DENND1B: variants seen among roughly 807,000 people sequenced by gnomAD.
DENND1B encodes the protein DENN domain-containing protein 1B.
DENND1B carries 59 observed loss-of-function variants against 90.1 expected under a neutral mutation model. The ratio of observed to expected loss-of-function variants is 0.65; its 90% CI spans 0.53 to 0.81. The LOEUF (loss-of-function observed/expected upper bound fraction) is 0.81, where lower values mean the gene tolerates loss of function less well. Among genes scored for constraint, DENND1B ranks in the 40% least tolerant of loss-of-function variants. The pLI, the probability that DENND1B is intolerant of heterozygous loss-of-function variation, is 0.00. For missense variants in DENND1B, 862 were observed against 912.6 expected, an observed-to-expected ratio of 0.94 and a Z score of 0.71; for synonymous variants, 337 against 324.6, an observed-to-expected ratio of 1.04 and a Z score of -0.41.
At chr1:197,684,417 C>T (rs1006595558) in intron 3 of DENND1B, among the ~76,000 whole-genome samples, 9 of 152,062 alleles carry the variant, frequency 5.9e-5, no homozygotes, top group African/African-American at 1.4e-4. Context: ...AGATTGCAAT[C>T]GATAATCAGC....
At chr1:197,534,367 A>G (rs1669726366) in intron 20 of DENND1B, among the ~76,000 whole-genome samples, 1 of 152,206 alleles carries the variant, frequency 6.6e-6, no homozygotes, top group Admixed American at 6.5e-5. Context: ...AGAAAAGACT[A>G]AATGAAGAAA....
chr1:197,596,048 T>C (rs1214705508), intron 13 of DENND1B, among the ~76,000 whole-genome samples: 1 of 152,024 alleles, frequency 6.6e-6, no homozygotes, highest in East Asian at 1.9e-4. Context: ...CCTAGTTCTG[T>C]CCAGTTTTTT....
chr1:197,512,149 C>T (rs1041722532), intron 21 of DENND1B, among the ~76,000 whole-genome samples: 4 of 151,632 alleles, frequency 2.6e-5, no homozygotes, highest in Admixed American at 1.3e-4. Flanking sequence ...AAAAAGTTTA[C>T]GGTACCTTAT....
chr1:197,728,963 T>A (rs1661901199), intron 2 of DENND1B, among the ~76,000 whole-genome samples: 2 of 152,152 alleles, frequency 1.3e-5, no homozygotes, highest in African/African-American at 4.8e-5. Flanking sequence ...TTCTACTCAA[T>A]CCCAGTGTCT....
At chr1:197,644,254 G>C (rs977089912) in intron 9 of DENND1B, among the ~76,000 whole-genome samples, 1 of 152,138 alleles carries the variant, frequency 6.6e-6, no homozygotes, top group Admixed American at 6.5e-5. Flanking sequence ...GCTGCCTTAT[G>C]CTTATTCTCT....
intron 3 of DENND1B, among the ~76,000 whole-genome samples, chr1:197,697,478 C>T (rs1427654253): frequency 2.6e-5 from 4 of 151,738 alleles, no homozygotes; most frequent in Admixed American, 6.6e-5. Flanking sequence ...GTGTCCTCCA[C>T]TCTCACCCTA....
chr1:197,587,702 A>G (rs572423623), intron 14 of DENND1B, among the ~76,000 whole-genome samples: 18 of 152,224 alleles, frequency 1.2e-4, no homozygotes, highest in Middle Eastern at 3.4e-3. Flanking sequence ...TTTTCCACGG[A>G]CCAGAGGAGT....
At chr1:197,627,342 G>A (rs1678858251) in intron 10 of DENND1B, among the ~76,000 whole-genome samples, 1 of 152,164 alleles carries the variant, frequency 6.6e-6, no homozygotes, top group Admixed American at 6.6e-5. Context: ...GATCAAGTGG[G>A]CTTCATCCCT....
chr1:197,716,928 C>T (rs1257839559), intron 2 of DENND1B, among the ~76,000 whole-genome samples: 1 of 151,912 alleles, frequency 6.6e-6, no homozygotes, highest in Non-Finnish European at 1.5e-5. Flanking sequence ...TGCTGCCTGA[C>T]TTTTCCTCAC....
At chr1:197,528,225 CTATTTGAT>C (rs1229799289) in intron 20 of DENND1B, among the ~76,000 whole-genome samples, 1 of 152,080 alleles carries the variant, frequency 6.6e-6, no homozygotes, top group East Asian at 1.9e-4. Flanking sequence ...TAAAAATAAA[CTATTTGAT>C]TGCTCATATT....
upstream of DENND1B, among the ~76,000 whole-genome samples, chr1:197,777,926 A>G (rs1012718577): frequency 6.6e-6 from 1 of 152,102 alleles, no homozygotes; most frequent in Non-Finnish European, 1.5e-5. Flanking sequence ...ATCAAATACG[A>G]TGATTGTGTT....
chr1:197,589,353 A>G (rs1212351779), intron 14 of DENND1B, among the ~76,000 whole-genome samples: 3 of 152,178 alleles, frequency 2.0e-5, no homozygotes, highest in South Asian at 2.1e-4. Context: ...AGAAAGTGCC[A>G]TAAAACAACT....
intron 18 of DENND1B, among the ~76,000 whole-genome samples, chr1:197,544,548 A>AT (rs1217891300): frequency 6.6e-6 from 1 of 151,902 alleles, no homozygotes; most frequent in East Asian, 1.9e-4. Flanking sequence ...TATTCCCATT[A>AT]TTTTTTTTCT....
intron 2 of DENND1B, among the ~76,000 whole-genome samples, chr1:197,764,532 T>C (rs1223906579): frequency 1.3e-5 from 2 of 152,100 alleles, no homozygotes; most frequent in Non-Finnish European, 2.9e-5. Context: ...ACTTATACAC[T>C]TACTAAAGTT....
intron 5 of DENND1B, among the ~76,000 whole-genome samples, chr1:197,666,127 G>A (rs181551416): frequency 1.3e-5 from 2 of 152,238 alleles, no homozygotes; most frequent in East Asian, 3.9e-4. Flanking sequence ...CCTATATTCA[G>A]AAGGGAAATA....
chr1:197,513,098 G>A, intron 20 of DENND1B, 145 bp from the exon 21 acceptor site: 1 of 596,766 alleles, frequency 1.7e-6, no homozygotes, highest in Non-Finnish European at 2.9e-6. Context: ...CCAATAACTT[G>A]ACAAACTGGG....
At chr1:197,559,728 A>AGTG (rs34068592) in intron 15 of DENND1B, among the ~76,000 whole-genome samples, 1 of 6,324 alleles carries the variant, frequency 1.6e-4, no homozygotes, top group Non-Finnish European at 3.7e-4. Flanking sequence ...AAATTTAATA[A>AGTG]GTCTAATTTA....
chr1:197,505,893 C>T lies in DENND1B; in HGVS notation c.*4567G>A, dbSNP rs1667706856. 6.9e-6 allele frequency: 1 copy of T among 145,792 alleles called. No homozygotes were observed. The highest frequency in any genetic ancestry group is 1.5e-5 in the Non-Finnish European group (1 of 65,698). 9.0% of individuals were successfully genotyped at this position (145,792 alleles called of 1,614,324 possible). A position where few individuals can be genotyped will look rare whatever the true frequency, so the allele number is the denominator to read the frequency against. ...CACATGTAGAATCAGCAATTTGTAC[C>T]GTATATATTTCTTTTAAAGTAACAG... On this transcript the variant is annotated 3_prime_UTR_variant, in exon 23 of 23. Transcript: ENST00000620048.
chr1:197,777,790 AATTT>A (rs1329323412), upstream of DENND1B, among the ~76,000 whole-genome samples: 1 of 152,164 alleles, frequency 6.6e-6, no homozygotes, highest in Non-Finnish European at 1.5e-5. Context: ...TTTATTAATT[AATTT>A]CTTATTAATT....
Sources: gnomAD v4.1 joint callset for allele counts (sites outside exome capture counted in the v4.1 genomes callset) on GRCh38, gnomAD v4.1.1 for gene constraint, MANE v1.5 for transcripts, NCBI Gene and HGNC (gene_info 2026-07-23, HGNC 2026-07-21) for gene names.